Variants in CRTC1 observed in about 807,000 individuals in gnomAD.
CRTC1 encodes CREB-regulated transcription coactivator 1.
A neutral mutation model predicts 66.1 loss-of-function variants in CRTC1; 18 were observed. The ratio of observed to expected loss-of-function variants is 0.27; its 90% CI spans 0.19 to 0.40. The LOEUF (loss-of-function observed/expected upper bound fraction) is 0.40, where lower values mean the gene tolerates loss of function less well. Ranked by LOEUF, CRTC1 falls within the 10% of genes least tolerant of loss-of-function variation. CRTC1 has a pLI of 1.00. For missense variants in CRTC1, 669 were observed against 887.9 expected (o/e 0.75, Z 3.13); for synonymous variants, 416 against 398.8 (o/e 1.04, Z -0.51).
chr19:18,700,772 G>T (rs1449375389), intron 1 of CRTC1, among the ~76,000 whole-genome samples: 1 of 152,180 alleles, frequency 6.6e-6, no homozygotes, highest in Non-Finnish European at 1.5e-5. Flanking sequence ...GAGCGTGTCC[G>T]CAAAGACACG....
intron 4 of CRTC1, among the ~76,000 whole-genome samples, chr19:18,748,240 C>T (rs887121129): frequency 5.9e-5 from 9 of 151,822 alleles, no homozygotes; most frequent in East Asian, 1.9e-4. Context: ...TGTATACAAA[C>T]GTGTGTGTGT....
chr19:18,718,927 G>C (rs2053564404), intron 1 of CRTC1, among the ~76,000 whole-genome samples: 1 of 152,164 alleles, frequency 6.6e-6, no homozygotes, highest in African/African-American at 2.4e-5. Context: ...TAAAACGGGA[G>C]CATAACACGA....
At chr19:18,742,805 G>C in intron 1 of CRTC1, 105 bp from the exon 2 acceptor site, 1 of 796,558 alleles carries the variant, frequency 1.3e-6, no homozygotes, top group Admixed American at 1.8e-5. Flanking sequence ...TCTGCACTTA[G>C]GCTGTCAATC....
chr19:18,703,805 C>G (rs10413878), intron 1 of CRTC1, among the ~76,000 whole-genome samples: 5,250 of 152,170 alleles, frequency 0.035, 322 homozygotes, highest in African/African-American at 0.12. Context: ...ACTATGTTGG[C>G]CAGGCTGGTC....
chr19:18,695,076 G>C (rs1057350202), intron 1 of CRTC1, among the ~76,000 whole-genome samples: 1 of 152,052 alleles, frequency 6.6e-6, no homozygotes, highest in African/African-American at 2.4e-5. Flanking sequence ...TCACCATGTT[G>C]GCCAGGCTGC....
At chr19:18,696,004 AG>A (rs1182684449) in intron 1 of CRTC1, among the ~76,000 whole-genome samples, 1 of 152,092 alleles carries the variant, frequency 6.6e-6, no homozygotes, top group Admixed American at 6.6e-5. Context: ...GGGAGCATGC[AG>A]GTGCAGAGGG....
chr19:18,770,183 GC>G (rs1442118131), intron 10 of CRTC1, among the ~76,000 whole-genome samples: 5 of 152,208 alleles, frequency 3.3e-5, no homozygotes, highest in Admixed American at 6.5e-5. Flanking sequence ...ACACAGCATG[GC>G]TGGGCCGTGC....
intron 1 of CRTC1, among the ~76,000 whole-genome samples, chr19:18,711,380 G>T (rs1265048198): frequency 3.9e-5 from 6 of 152,206 alleles, no homozygotes; most frequent in Non-Finnish European, 7.3e-5. Context: ...CTCTGTGCCT[G>T]GGCCGGGCGG....
intron 1 of CRTC1, among the ~76,000 whole-genome samples, chr19:18,684,245 G>C (rs927748439): frequency 6.6e-6 from 1 of 152,038 alleles, no homozygotes; most frequent in Non-Finnish European, 1.5e-5. Flanking sequence ...TGCTACCTGG[G>C]GGGGCAGGAT....
rs181172992 is a variant in CRTC1, at chr19:18,764,390, A to G, written c.887-1014A>G. Among the ~76,000 whole-genome samples, 858 of 152,346 alleles carry G rather than the reference A, an allele frequency of 5.6e-3. 8 individuals carry two copies. Among genetic ancestry groups the G allele is most frequent in the Non-Finnish European group, 9.5e-3 (649 of 68,024 alleles). On this transcript the variant is annotated intron_variant, in intron 8 of 13. Transcript: ENST00000321949. Reference sequence around the variant, plus strand: ...TCACCAACCAGGGAACCAAGTCTCCAGAGTGGATGGGGGTCAGGCCAGGCT... The same window carrying G: ...TCACCAACCAGGGAACCAAGTCTCCGGAGTGGATGGGGGTCAGGCCAGGCT...
chr19:18,769,755 T>C (rs2054820383), intron 10 of CRTC1, among the ~76,000 whole-genome samples: 1 of 152,110 alleles, frequency 6.6e-6, no homozygotes, highest in Admixed American at 6.5e-5. Flanking sequence ...GGACGGCCCT[T>C]CTAGGGCTCT....
At chr19:18,772,153 G>A (rs769805818) in intron 11 of CRTC1, among the ~76,000 whole-genome samples, 226 of 152,126 alleles carry the variant, frequency 1.5e-3, no homozygotes, top group Non-Finnish European at 1.8e-3. Context: ...ACCCAGCACC[G>A]TAGGACCCTG....
At chr19:18,728,249 G>A (rs529075130) in intron 1 of CRTC1, among the ~76,000 whole-genome samples, 3 of 152,112 alleles carry the variant, frequency 2.0e-5, no homozygotes, top group African/African-American at 7.2e-5. Flanking sequence ...GTCCCGTCCC[G>A]GCCCATCTCT....
chr19:18,714,586 G>T (rs979697900), intron 1 of CRTC1, among the ~76,000 whole-genome samples: 1 of 152,190 alleles, frequency 6.6e-6, no homozygotes, highest in Non-Finnish European at 1.5e-5. Flanking sequence ...GATTACAGGT[G>T]TGAGCCACCA....
intron 5 of CRTC1, among the ~76,000 whole-genome samples, chr19:18,751,747 C>G (rs1321037020): frequency 6.6e-6 from 1 of 152,120 alleles, no homozygotes; most frequent in Admixed American, 6.6e-5. Context: ...CCTCCATCAG[C>G]ATTGAGTGAC....
At chr19:18,743,201 G>T (rs117607802) in intron 2 of CRTC1, among the ~76,000 whole-genome samples, 175 bp downstream of exon 2, 7,693 of 152,342 alleles carry the variant, frequency 0.05, 294 homozygotes, top group Non-Finnish European at 0.082. Flanking sequence ...CCCCACCAGG[G>T]TGCCCCCGCA....
In CRTC1 at chr19:18,725,597, C is replaced by T. The variant is rs192168634; in HGVS notation, c.127-17313C>T. On this transcript the variant is annotated intron_variant, in intron 1 of 13. Transcript: ENST00000321949. ...CGTGCTCACAGGGGCACCAGGCTGC[C>T]GGCTGGACCTGGCTTGGCCACTTGC... 1.6e-3 allele frequency among the ~76,000 whole-genome samples: 239 copies of T among 152,262 alleles called. 1 individual carries two copies. The highest frequency in any genetic ancestry group is 2.4e-3 in the Non-Finnish European group (160 of 68,004).
intron 2 of CRTC1, chr19:18,744,117 TTTC>T (rs1454994650): frequency 6.8e-6 from 11 of 1,612,862 alleles, no homozygotes; most frequent in Non-Finnish European, 6.8e-6. Context: ...GCCCAGCGGA[TTTC>T]TGGGGGAGGC....
At chr19:18,772,696 G>A (rs1469869056) in intron 11 of CRTC1, among the ~76,000 whole-genome samples, 1 of 152,198 alleles carries the variant, frequency 6.6e-6, no homozygotes, top group African/African-American at 2.4e-5. Flanking sequence ...GGGCCGTCTG[G>A]GACCACTGCC....
Sources: gnomAD v4.1 joint callset for allele counts (sites outside exome capture counted in the v4.1 genomes callset) on GRCh38, gnomAD v4.1.1 for gene constraint, MANE v1.5 for transcripts, NCBI Gene and HGNC (gene_info 2026-07-23, HGNC 2026-07-21) for gene names.